Variants in FGF14 observed in about 807,000 individuals in gnomAD.
The protein encoded by FGF14 is fibroblast growth factor homologous factor 4.
In FGF14, 5 loss-of-function variants were observed where a neutral mutation model predicts 25.5. The ratio of observed to expected loss-of-function variants is 0.20; its 90% CI spans 0.10 to 0.41. The LOEUF (loss-of-function observed/expected upper bound fraction) is 0.41, where lower values mean the gene tolerates loss of function less well. Among genes scored for constraint, FGF14 ranks in the 10% least tolerant of loss-of-function variants. The probability of loss-of-function intolerance (pLI) is 1.00; values close to 1 mark genes in which losing one functional copy is unlikely to be tolerated. For synonymous variants in FGF14, 138 were observed against 118.3 expected, an observed-to-expected ratio of 1.17 and a Z score of -1.08; for missense variants, 222 against 320.1, an observed-to-expected ratio of 0.69 and a Z score of 2.34.
At chr13:101,748,956 T>C (rs917649334) in intron 3 of FGF14, among the ~76,000 whole-genome samples, 1 of 151,948 alleles carries the variant, frequency 6.6e-6, no homozygotes, top group African/African-American at 2.4e-5. Flanking sequence ...ACTTGGTAGG[T>C]ACACACAATG....
At chr13:101,987,552 C>G (rs1334288376) in intron 1 of FGF14, among the ~76,000 whole-genome samples, 1 of 151,846 alleles carries the variant, frequency 6.6e-6, no homozygotes, top group East Asian at 1.9e-4. Context: ...TTATCTTTTT[C>G]TTTTTATCAC....
chr13:102,161,382 G>A (rs1343787825), intron 1 of FGF14, among the ~76,000 whole-genome samples: 2 of 152,050 alleles, frequency 1.3e-5, no homozygotes, highest in Admixed American at 1.3e-4. Flanking sequence ...AGTAACTGTG[G>A]CTGTCTTGTC....
At chr13:102,095,680 A>C (rs1425110135) in intron 1 of FGF14, among the ~76,000 whole-genome samples, 1 of 152,070 alleles carries the variant, frequency 6.6e-6, no homozygotes, top group East Asian at 1.9e-4. Context: ...CAGGATGAAG[A>C]CCTTTATGAT....
At chr13:102,012,978 A>G (rs1346067182) in intron 1 of FGF14, among the ~76,000 whole-genome samples, 3 of 152,166 alleles carry the variant, frequency 2.0e-5, no homozygotes, top group Non-Finnish European at 4.4e-5. Flanking sequence ...TTACCCATTC[A>G]AAGCATCTCC....
chr13:102,270,694 T>C (rs961482749), intron 1 of FGF14, among the ~76,000 whole-genome samples: 4 of 152,198 alleles, frequency 2.6e-5, no homozygotes, highest in African/African-American at 9.6e-5. Flanking sequence ...CATTGTATTT[T>C]ATGTCTGGGT....
intron 1 of FGF14, among the ~76,000 whole-genome samples, chr13:102,161,593 AAGAAGAAGAAGAAGAAGAAGAAGAAGAAG>A (rs2047671121): frequency 5.1e-4 from 2 of 3,916 alleles, no homozygotes; most frequent in Non-Finnish European, 7.4e-4. Flanking sequence ...GAAGAAGAAG[AAGAAGAAGAAGAAGAAGAAGAAGAAGAAG>A]AAGAAGAAGA....
chr13:102,011,442 G>A (rs548893940), intron 1 of FGF14, among the ~76,000 whole-genome samples: 2 of 152,274 alleles, frequency 1.3e-5, no homozygotes, highest in East Asian at 3.9e-4. Flanking sequence ...GACAAACCCA[G>A]GCAGGATCAC....
chr13:102,062,949 A>G (rs946570973), intron 1 of FGF14, among the ~76,000 whole-genome samples: 7 of 152,230 alleles, frequency 4.6e-5, no homozygotes, highest in Non-Finnish European at 1.0e-4. Flanking sequence ...TTATAAAATA[A>G]CATCTGCATG....
At chr13:102,285,813 GA>G (rs1340361250) in intron 1 of FGF14, among the ~76,000 whole-genome samples, 1 of 152,206 alleles carries the variant, frequency 6.6e-6, no homozygotes, top group African/African-American at 2.4e-5. Flanking sequence ...GAAGCAAAGA[GA>G]AAGAAAGTAA....
chr13:102,045,713 A>G (rs932429494), intron 1 of FGF14, among the ~76,000 whole-genome samples: 4 of 152,162 alleles, frequency 2.6e-5, no homozygotes, highest in African/African-American at 9.7e-5. Context: ...AATTATCTAC[A>G]TCTCTTTCCC....
At chr13:102,113,958 C>T (rs544042370) in intron 1 of FGF14, among the ~76,000 whole-genome samples, 87 of 152,264 alleles carry the variant, frequency 5.7e-4, no homozygotes, top group African/African-American at 7.7e-4. Context: ...ACTGTGGAGA[C>T]GGCTGATTTT....
intron 3 of FGF14, among the ~76,000 whole-genome samples, chr13:101,832,022 A>G (rs1191372009): frequency 6.6e-6 from 1 of 152,122 alleles, no homozygotes; most frequent in African/African-American, 2.4e-5. Context: ...AAAGTTTTGC[A>G]GATACAATTA....
chr13:102,282,063 C>CT (rs745981500), intron 1 of FGF14, among the ~76,000 whole-genome samples: 34,471 of 89,568 alleles, frequency 0.38, 4,123 homozygotes, highest in Middle Eastern at 0.46. Flanking sequence ...AACCCTGCTT[C>CT]TTTTTTTTTT....
intron 3 of FGF14, among the ~76,000 whole-genome samples, chr13:101,802,783 T>A (rs1476515460): frequency 1.3e-5 from 2 of 152,202 alleles, no homozygotes; most frequent in African/African-American, 4.8e-5. Flanking sequence ...TTTAAAAACA[T>A]GTGTAAGGTG....
intron 1 of FGF14, among the ~76,000 whole-genome samples, chr13:102,042,939 T>C (rs2041812081): frequency 6.6e-6 from 1 of 152,108 alleles, no homozygotes; most frequent in Non-Finnish European, 1.5e-5. Flanking sequence ...CCTCCAGCAG[T>C]GACAACAAAA....
chr13:102,161,694 G>GTACCCC (rs1275020079), intron 1 of FGF14, among the ~76,000 whole-genome samples: 1,532 of 117,966 alleles, frequency 0.013, 48 homozygotes, highest in Non-Finnish European at 0.02. Flanking sequence ...AGAAGAAGAA[G>GTACCCC]AAGAAGAAGA....
chr13:101,818,408 G>C (rs1478187457), intron 3 of FGF14, among the ~76,000 whole-genome samples: 1 of 152,104 alleles, frequency 6.6e-6, no homozygotes, highest in Non-Finnish European at 1.5e-5. Flanking sequence ...AGGATATTTT[G>C]GGTAGCATCC....
intron 1 of FGF14, among the ~76,000 whole-genome samples, chr13:102,290,851 C>T (rs2054354619): frequency 6.6e-6 from 1 of 152,116 alleles, no homozygotes; most frequent in Admixed American, 6.6e-5. Context: ...CAGCCCTTGC[C>T]ACAGCTACCA....
chr13:101,985,081 T>G (rs1037650970), intron 1 of FGF14, among the ~76,000 whole-genome samples: 7 of 42,024 alleles, frequency 1.7e-4, no homozygotes, highest in African/African-American at 1.5e-3. Flanking sequence ...TTTTTTTTTG[T>G]TTTTTTTTTT....
Sources: allele counts gnomAD v4.1 joint callset (sites outside exome capture counted in the v4.1 genomes callset), GRCh38; gene constraint gnomAD v4.1.1; transcripts MANE v1.5; gene names NCBI Gene and HGNC (gene_info 2026-07-23, HGNC 2026-07-21).